The following TNS1 variants were observed in gnomAD, a reference collection of about 807,000 sequenced individuals.
TNS1 encodes tensin-1.
In TNS1, 62 loss-of-function variants were observed where a neutral mutation model predicts 168.6. That is an observed-to-expected ratio of 0.37 (90% CI 0.30 to 0.45). The LOEUF is 0.45. Ranked by LOEUF, TNS1 falls within the 20% of genes least tolerant of loss-of-function variation. The probability of loss-of-function intolerance (pLI) is 1.00; values close to 1 mark genes in which losing one functional copy is unlikely to be tolerated. For synonymous variants in TNS1, 934 were observed against 933.2 expected, an observed-to-expected ratio of 1.00 and a Z score of -0.02; for missense variants, 2,240 against 2,339.4, an observed-to-expected ratio of 0.96 and a Z score of 0.88.
intron 11 of TNS1, among the ~76,000 whole-genome samples, chr2:217,892,656 G>C (rs1490835080): frequency 6.6e-6 from 1 of 152,132 alleles, no homozygotes; most frequent in Non-Finnish European, 1.5e-5. Context: ...AAGGCAGTTT[G>C]GCAAGGAAAA....
intron 17 of TNS1, 80 bp from the exon 18 acceptor site, chr2:217,881,094 G>A: frequency 9.5e-7 from 1 of 1,052,998 alleles, no homozygotes; most frequent in Non-Finnish European, 1.5e-6. Flanking sequence ...GAAAAACAGA[G>A]AAAGCCCACA....
intron 3 of TNS1, among the ~76,000 whole-genome samples, chr2:217,929,248 G>T (rs1956188971): frequency 6.6e-6 from 1 of 152,180 alleles, no homozygotes; most frequent in South Asian, 2.1e-4. Context: ...TTAGCCTCCA[G>T]ACAACCCAAG....
rs1257065679 is a variant in TNS1, at chr2:217,809,584, CATGG to C, written c.5273+235_5273+238del. The C allele has an allele frequency of 5.0e-3, 326 of 65,092 alleles. 8 individuals are homozygous for C. Among genetic ancestry groups the C allele is most frequent in the Middle Eastern group, 0.027 (5 of 188 alleles). The allele number at this position is 65,092 out of a possible 1,614,324, so 4.0% of individuals were successfully genotyped here. The stretch of plus-strand genomic sequence containing the variant: ...GGATGGATGGATGGATGGATAGGTG[CATGG>C]ATGGATGGATGGATGGATGGATGGG... On this transcript the variant is annotated intron_variant, in intron 30 of 32. Coordinates refer to ENST00000682258, the MANE Select transcript of TNS1 (RefSeq NM_001387777.1).
chr2:217,847,989 T>C lies in TNS1; in HGVS notation c.2528A>G (p.Asp843Gly), dbSNP rs751768935. 2.6e-6 allele frequency: 4 copies of C among 1,511,402 alleles called. No homozygotes were observed. In the South Asian group the frequency reaches 5.4e-5, roughly 20 times the overall value. The allele number at this position is 1,511,402 out of a possible 1,614,324, so 93.6% of individuals were successfully genotyped here. The change falls in exon 19 of 33, where the codon GAC becomes GGC. Residue 843 changes from aspartate to glycine, a missense_variant. By Grantham distance (94) the Asp-to-Gly change is moderately conservative. This residue lies in a region of TNS1 where 2,131 missense variants were observed against 2,171.2 expected (regional missense o/e 0.98). Transcript: ENST00000682258. ...SIETLNMLML[D>G]LEPASAAAPL... ...GGCAGCAGCGGAGGCTGGCTCCAGGTCCAGCATCAGCATATTGAGTGTTTC... is the reference window on the plus strand; with the variant it reads ...GGCAGCAGCGGAGGCTGGCTCCAGGCCCAGCATCAGCATATTGAGTGTTTC...
In TNS1 at chr2:217,817,792, T is replaced by G; in HGVS notation, c.4540A>C (p.Lys1514Gln). The G allele has an allele frequency of 1.2e-6, 2 of 1,614,206 alleles. No homozygotes were observed. The highest frequency in any genetic ancestry group is 2.2e-5 in the East Asian group (1 of 44,872). ...CCGCTGGCGACAGGCGAAGACACCT[T>G]CCCATTGATGGTGGCATAGTTGGGG... Reference protein sequence around the residue: ...SLPNYATINGKVSSPVASGMS... With the variant: ...SLPNYATINGQVSSPVASGMS... Residue 1514 changes from lysine to glutamine, a missense_variant, in exon 24 of 33, where the codon AAG becomes CAG. Lys to Gln is a moderately conservative substitution (Grantham distance 53). Coordinates refer to ENST00000682258, the MANE Select transcript of TNS1 (RefSeq NM_001387777.1).
chr2:218,026,922 C>T (rs1458631965), intron 1 of TNS1, among the ~76,000 whole-genome samples: 1 of 152,232 alleles, frequency 6.6e-6, no homozygotes, highest in Non-Finnish European at 1.5e-5. Flanking sequence ...GGAGGGCCAG[C>T]CACACGAGGT....
chr2:217,818,178 C>T lies in TNS1; in HGVS notation c.4154G>A (p.Gly1385Asp). Residue 1385 changes from glycine to aspartate, a missense_variant, in exon 24 of 33, where the codon GGC (glycine) becomes GAC (aspartate). By Grantham distance (94) the Gly-to-Asp change is moderately conservative. Transcript: ENST00000682258. ...SLGRHPGAHQ[G>D]NLASGLHSNA... is the part of the protein sequence containing the mutation. ...GCTATGAAGACCGGAGGCCAGGTTG[C>T]CTTGGTGAGCCCCAGGGTGCCGGCC... 1.9e-6 allele frequency: 3 copies of T among 1,613,618 alleles called. No individual in the cohort carries two copies. The highest frequency in any genetic ancestry group is 2.5e-6 in the Non-Finnish European group (3 of 1,179,838).
At chr2:217,979,027 A>G in intron 2 of TNS1, 1 of 425,548 alleles carries the variant, frequency 2.3e-6, no homozygotes. Context: ...CCGGGGAGGC[A>G]GGGGGCTCCC....
chr2:217,919,328 C>T (rs1021689354), intron 4 of TNS1, among the ~76,000 whole-genome samples: 1 of 152,224 alleles, frequency 6.6e-6, no homozygotes, highest in South Asian at 2.1e-4. Context: ...AGGACAGCCA[C>T]GCCCCGCCCC....
chr2:217,851,429 T>A (rs933661832), intron 18 of TNS1, among the ~76,000 whole-genome samples: 2 of 141,646 alleles, frequency 1.4e-5, no homozygotes, highest in Admixed American at 7.0e-5. Context: ...CACCAGGCAC[T>A]TGCATCCCTC....
At chr2:217,852,659 G>T (rs1284155086) in intron 18 of TNS1, among the ~76,000 whole-genome samples, 1 of 152,202 alleles carries the variant, frequency 6.6e-6, no homozygotes, top group Admixed American at 6.5e-5. Context: ...CCTTGCCCCT[G>T]TGGCCAAGCC....
At chr2:217,849,959 T>C (rs1345861641) in intron 18 of TNS1, 6 of 985,258 alleles carry the variant, frequency 6.1e-6, no homozygotes, top group Non-Finnish European at 6.0e-6. Flanking sequence ...ATGCAAAGGA[T>C]GTGATAGAAC....
At chr2:217,810,564 C>T (rs1010120201) in intron 28 of TNS1, among the ~76,000 whole-genome samples, 11 of 152,290 alleles carry the variant, frequency 7.2e-5, no homozygotes, top group Non-Finnish European at 1.6e-4. Flanking sequence ...CCAGCACTTA[C>T]TAAGTATCTA....
intron 9 of TNS1, among the ~76,000 whole-genome samples, chr2:217,894,676 C>T (rs557711087): frequency 4.0e-5 from 6 of 151,798 alleles, no homozygotes; most frequent in African/African-American, 1.2e-4. Flanking sequence ...AACAAACAAA[C>T]AAAAAAACCG....
At chr2:217,900,727 C>A in intron 6 of TNS1, 1 of 582,878 alleles carries the variant, frequency 1.7e-6, no homozygotes, top group Non-Finnish European at 3.0e-6. Flanking sequence ...TGTGCAAGCC[C>A]CAGAGGGACA....
At chr2:217,825,607 T>C (rs1943501118) in intron 22 of TNS1, among the ~76,000 whole-genome samples, 1 of 151,994 alleles carries the variant, frequency 6.6e-6, no homozygotes, top group Admixed American at 6.5e-5. Context: ...CTAGCAACAG[T>C]AAAACTGAGA....
intron 3 of TNS1, among the ~76,000 whole-genome samples, chr2:217,951,659 A>G (rs1957246100): frequency 1.3e-5 from 2 of 151,890 alleles, no homozygotes; most frequent in South Asian, 4.2e-4. Context: ...CCAGGCCCTC[A>G]GGGCTCACTC....
chr2:217,987,209 G>A (rs1052442170), intron 2 of TNS1, among the ~76,000 whole-genome samples: 1 of 152,104 alleles, frequency 6.6e-6, no homozygotes, highest in African/African-American at 2.4e-5. Flanking sequence ...CTTTCACACA[G>A]AGCCTTCATC....
intron 2 of TNS1, among the ~76,000 whole-genome samples, chr2:217,982,980 G>A (rs773353124): frequency 6.6e-6 from 1 of 152,108 alleles, no homozygotes; most frequent in Non-Finnish European, 1.5e-5. Context: ...GCCCGACTAA[G>A]ACACCCCCCA....
Sources: allele counts gnomAD v4.1 joint callset (sites outside exome capture counted in the v4.1 genomes callset), GRCh38; gene constraint gnomAD v4.1.1; regional missense constraint gnomAD v4.1.1; transcripts MANE v1.5; gene names NCBI Gene and HGNC (gene_info 2026-07-23, HGNC 2026-07-21).